The following M1AP variants were observed in gnomAD, a reference collection of about 807,000 sequenced individuals.
The protein encoded by M1AP is meiosis 1 associated protein, also known as meiosis 1 arrest protein.
A neutral mutation model predicts 51.2 loss-of-function variants in M1AP; 39 were observed. That is an observed-to-expected ratio of 0.76 (90% CI 0.59 to 1.00). The LOEUF is 1.00. Among genes scored for constraint, M1AP ranks in the 50% least tolerant of loss-of-function variants. M1AP has a pLI of 0.00. For missense variants in M1AP, 545 were observed against 641.2 expected, an observed-to-expected ratio of 0.85 and a Z score of 1.62; for synonymous variants, 251 against 249.2, an observed-to-expected ratio of 1.01 and a Z score of -0.07.
At chr2:74,594,498 G>A (rs1394282616) in intron 4 of M1AP, among the ~76,000 whole-genome samples, 1 of 152,138 alleles carries the variant, frequency 6.6e-6, no homozygotes, top group Non-Finnish European at 1.5e-5. Context: ...GGTAATTGAA[G>A]TCCTAGAAAG....
intron 3 of M1AP, among the ~76,000 whole-genome samples, chr2:74,609,528 A>G (rs184197844): frequency 5.1e-4 from 78 of 152,340 alleles, no homozygotes; most frequent in African/African-American, 1.7e-3. Flanking sequence ...CTGGGAGTGA[A>G]GATATCTCTC....
intron 2 of M1AP, among the ~76,000 whole-genome samples, chr2:74,633,201 T>G (rs1184684335): frequency 6.6e-6 from 1 of 152,150 alleles, no homozygotes; most frequent in Non-Finnish European, 1.5e-5. Context: ...CTCACCAGAT[T>G]GCCATGGGAT....
rs991555713 is a variant in M1AP at position 74,561,944 on chromosome 2, A to G, written c.1281+273T>C. The G allele has an allele frequency of 7.1e-6, 7 of 985,212 alleles. No homozygotes were observed. In the African/African-American group the frequency reaches 1.2e-4, roughly 17 times the overall value. 61.0% of individuals were successfully genotyped at this position (985,212 alleles called of 1,614,324 possible). On this transcript the variant is annotated intron_variant, in intron 8 of 10. Coordinates refer to ENST00000421985, the MANE Select transcript of M1AP (RefSeq NM_001321739.2). Reference sequence around the variant, plus strand: ...TCCAGGATGGCTCTAATTCCCAGTCATCACTGATGCCAATATCCCTTTTCT... The same window carrying G: ...TCCAGGATGGCTCTAATTCCCAGTCGTCACTGATGCCAATATCCCTTTTCT...
At chr2:74,635,809 A>AT (rs1181735461) in intron 2 of M1AP, among the ~76,000 whole-genome samples, 8 of 152,058 alleles carry the variant, frequency 5.3e-5, no homozygotes, top group Admixed American at 4.6e-4. Context: ...TCTGTTATAG[A>AT]TTTTTACTTT....
At chr2:74,586,242 C>T (rs1417103797) in intron 4 of M1AP, among the ~76,000 whole-genome samples, 3 of 152,136 alleles carry the variant, frequency 2.0e-5, no homozygotes, top group East Asian at 1.9e-4. Context: ...TTTGGGAATA[C>T]GTTTGATCTC....
intron 4 of M1AP, among the ~76,000 whole-genome samples, chr2:74,600,572 A>G (rs4853033): frequency 0.17 from 25,535 of 152,200 alleles, 2,700 homozygotes; most frequent in South Asian, 0.24. Flanking sequence ...AGGGCATTTA[A>G]GGACAAAGAA....
At chr2:74,574,481 C>G (rs1678934735) in intron 7 of M1AP, among the ~76,000 whole-genome samples, 1 of 152,244 alleles carries the variant, frequency 6.6e-6, no homozygotes, top group African/African-American at 2.4e-5. Context: ...ATCTTGACTT[C>G]CAATGTTCTA....
At chr2:74,623,326 A>C (rs1217866194) in intron 2 of M1AP, among the ~76,000 whole-genome samples, 1 of 152,114 alleles carries the variant, frequency 6.6e-6, no homozygotes, top group Non-Finnish European at 1.5e-5. Context: ...CAACATAGTG[A>C]AACCCCGTCT....
At chr2:74,597,469 C>A (rs1486355198) in intron 4 of M1AP, among the ~76,000 whole-genome samples, 1 of 152,144 alleles carries the variant, frequency 6.6e-6, no homozygotes, top group Non-Finnish European at 1.5e-5. Context: ...ATAGAAGAGG[C>A]TACCCACCCC....
intron 3 of M1AP, among the ~76,000 whole-genome samples, chr2:74,611,470 C>T (rs1228529607): frequency 6.6e-6 from 1 of 152,042 alleles, no homozygotes; most frequent in Admixed American, 6.6e-5. Context: ...ACATATAGTT[C>T]TTCAAAATAG....
chr2:74,590,181 T>C (rs1428570141), intron 4 of M1AP, among the ~76,000 whole-genome samples: 6 of 152,208 alleles, frequency 3.9e-5, no homozygotes, highest in Non-Finnish European at 5.9e-5. Context: ...CTCACCGTTT[T>C]GGAGGCTGGG....
intron 4 of M1AP, among the ~76,000 whole-genome samples, chr2:74,592,330 C>G (rs1408375038): frequency 6.6e-6 from 1 of 152,052 alleles, no homozygotes; most frequent in Non-Finnish European, 1.5e-5. Context: ...TAACTTTTGC[C>G]AATCTAATAA....
chr2:74,614,554 T>G (rs976003014), intron 3 of M1AP, among the ~76,000 whole-genome samples: 1 of 152,184 alleles, frequency 6.6e-6, no homozygotes, highest in Non-Finnish European at 1.5e-5. Context: ...CGAGAAAAGT[T>G]CCTCAATTTG....
intron 7 of M1AP, among the ~76,000 whole-genome samples, chr2:74,567,091 A>G (rs1226286150): frequency 6.6e-6 from 1 of 152,266 alleles, no homozygotes; most frequent in Non-Finnish European, 1.5e-5. Flanking sequence ...TTTTCCTGGC[A>G]ATGGATAGAT....
chr2:74,646,343 G>A lies in M1AP; in HGVS notation c.-53+1922C>T, dbSNP rs1213384965. Among the ~76,000 whole-genome samples the A allele has an allele frequency of 4.6e-5, 7 of 152,202 alleles. 1 individual carries two copies. Among genetic ancestry groups the A allele is most frequent in the Admixed American group, 2.0e-4 (3 of 15,284 alleles). ...GAAATCTGAATCTAACATAAGTGGAGTTAAAGGAGAAACAGCTGACTATGA... is the reference window on the plus strand; with the variant it reads ...GAAATCTGAATCTAACATAAGTGGAATTAAAGGAGAAACAGCTGACTATGA... On this transcript the variant is annotated intron_variant, in intron 1 of 10. Coordinates refer to ENST00000421985, the MANE Select transcript of M1AP (RefSeq NM_001321739.2).
At chr2:74,575,726 A>G (rs1003361861) in intron 6 of M1AP, 147 bp from the exon 7 acceptor site, 18 of 639,116 alleles carry the variant, frequency 2.8e-5, no homozygotes, top group Middle Eastern at 8.6e-4. Context: ...TATGGCCAGC[A>G]TCTAGCATAG....
At chr2:74,638,077 C>T (rs1314546597) in intron 2 of M1AP, among the ~76,000 whole-genome samples, 3 of 150,104 alleles carry the variant, frequency 2.0e-5, no homozygotes, top group East Asian at 3.9e-4. Flanking sequence ...TTTTTTGAGA[C>T]GGAGTCTTGC....
intron 2 of M1AP, among the ~76,000 whole-genome samples, chr2:74,637,910 C>T (rs1461759023): frequency 1.3e-5 from 2 of 152,130 alleles, no homozygotes; most frequent in East Asian, 1.9e-4. Flanking sequence ...GTATGTAGCT[C>T]CTTCTCCTCT....
At chr2:74,617,835 T>C (rs1573155123) in intron 2 of M1AP, among the ~76,000 whole-genome samples, 1 of 152,216 alleles carries the variant, frequency 6.6e-6, no homozygotes, top group Non-Finnish European at 1.5e-5. Context: ...TACAAATCCT[T>C]GAAAACTCTT....
Sources: allele counts gnomAD v4.1 joint callset (sites outside exome capture counted in the v4.1 genomes callset), GRCh38; gene constraint gnomAD v4.1.1; transcripts MANE v1.5; gene names NCBI Gene and HGNC (gene_info 2026-07-23, HGNC 2026-07-21).